Variants in CATSPER3 observed in about 807,000 individuals in gnomAD.
CATSPER3 encodes cation channel sperm-associated protein 3.
Under a neutral mutation model 36.6 loss-of-function variants are expected in CATSPER3, and 23 were observed. The ratio of observed to expected loss-of-function variants is 0.63; its 90% CI spans 0.45 to 0.89. CATSPER3 has a LOEUF of 0.89. Among genes scored for constraint, CATSPER3 ranks in the 40% least tolerant of loss-of-function variants. The probability of loss-of-function intolerance (pLI) is 0.00; values close to 1 mark genes in which losing one functional copy is unlikely to be tolerated. For synonymous variants in CATSPER3, 172 were observed against 184.1 expected, an observed-to-expected ratio of 0.93 and a Z score of 0.53; for missense variants, 474 against 503.9, an observed-to-expected ratio of 0.94 and a Z score of 0.57.
At chr5:134,971,090 C>T (rs1483316308) in intron 2 of CATSPER3, among the ~76,000 whole-genome samples, 1 of 151,802 alleles carries the variant, frequency 6.6e-6, no homozygotes, top group African/African-American at 2.4e-5. Flanking sequence ...GCTGGGATTA[C>T]AGGCGCCCGC....
intron 3 of CATSPER3, among the ~76,000 whole-genome samples, chr5:135,000,405 G>C (rs1752005775): frequency 6.6e-6 from 1 of 152,206 alleles, no homozygotes; most frequent in East Asian, 1.9e-4. Flanking sequence ...TCTTTGCCAG[G>C]CTTTGGTATC....
At chr5:135,010,589 C>A (rs902540597) in intron 7 of CATSPER3, 59 bp downstream of exon 7, 13 of 1,500,228 alleles carry the variant, frequency 8.7e-6, no homozygotes, top group Non-Finnish European at 9.3e-6. Context: ...TGGGCTGTGT[C>A]AGGTGCCCTG....
rs867207499 is a variant in CATSPER3, at chr5:135,010,476, C to A, written c.1040C>A (p.Pro347His). The A allele has an allele frequency of 2.5e-6, 4 of 1,613,988 alleles. No individual in the cohort carries two copies. In the African/African-American group the frequency reaches 5.3e-5, roughly 22 times the overall value. ...TTGGATGATTTTGGCACTAGCTTAC[C>A]CTTCATCGATATCTACTTTTCCACT... ...MVLDDFGTSL[P>H]FIDIYFSTLD... is the part of the protein sequence containing the mutation. Residue 347 changes from proline (P) to histidine (H), a missense_variant, in exon 7 of 8, where the codon CCC becomes CAC. Pro to His is a moderately conservative substitution (Grantham distance 77). Coordinates refer to ENST00000282611, the MANE Select transcript of CATSPER3 (RefSeq NM_178019.3).
chr5:134,992,856 G>C (rs570921877), intron 2 of CATSPER3, among the ~76,000 whole-genome samples: 54 of 152,328 alleles, frequency 3.5e-4, no homozygotes, highest in African/African-American at 1.1e-3. Flanking sequence ...CAGTTCCTAA[G>C]AAAGTTAAAC....
At chr5:134,976,758 C>A (rs758886590) in intron 2 of CATSPER3, among the ~76,000 whole-genome samples, 20 of 152,260 alleles carry the variant, frequency 1.3e-4, no homozygotes, top group Non-Finnish European at 2.5e-4. Flanking sequence ...TGTACATCTT[C>A]TGAAATCTAG....
At chr5:134,988,742 T>A (rs1751842814) in intron 2 of CATSPER3, among the ~76,000 whole-genome samples, 1 of 152,130 alleles carries the variant, frequency 6.6e-6, no homozygotes, top group Non-Finnish European at 1.5e-5. Context: ...CCCCTCAAAG[T>A]CATCCACGAG....
intron 3 of CATSPER3, among the ~76,000 whole-genome samples, chr5:135,000,245 CAGCCTTGCATCCCAGGGATGA>C (rs1752003838): frequency 2.0e-5 from 3 of 152,074 alleles, no homozygotes; most frequent in South Asian, 2.1e-4. Flanking sequence ...CCATAGGATG[CAGCCTTGCATCCCAGGGATGA>C]AGCCCACTTG....
intron 6 of CATSPER3, 118 bp downstream of exon 6, chr5:135,009,608 A>AGTGGTGCCTGTGTAGAGAGCAGGTG: frequency 4.0e-6 from 3 of 753,590 alleles, no homozygotes; most frequent in Non-Finnish European, 4.6e-6. Context: ...AGGCATCTGC[A>AGTGGTGCCTGTGTAGAGAGCAGGTG]GCCTTAGGTA....
chr5:134,995,131 C>T (rs371869957), intron 2 of CATSPER3, among the ~76,000 whole-genome samples: 16 of 151,628 alleles, frequency 1.1e-4, no homozygotes, highest in African/African-American at 3.9e-4. Context: ...TTATCTTTTT[C>T]TTGTGCTAGG....
intron 3 of CATSPER3, among the ~76,000 whole-genome samples, chr5:135,002,898 A>G (rs1414464607): frequency 6.6e-6 from 1 of 152,168 alleles, no homozygotes; most frequent in African/African-American, 2.4e-5. Context: ...ATGGGTTCGA[A>G]CATCCTCCTT....
intron 3 of CATSPER3, among the ~76,000 whole-genome samples, chr5:134,997,496 A>G (rs1751964913): frequency 6.6e-6 from 1 of 151,868 alleles, no homozygotes; most frequent in Non-Finnish European, 1.5e-5. Flanking sequence ...TCCGTCATTT[A>G]TGCCCTAGCT....
At chr5:134,998,943 C>T (rs1297778732) in intron 3 of CATSPER3, among the ~76,000 whole-genome samples, 1 of 152,160 alleles carries the variant, frequency 6.6e-6, no homozygotes, top group Admixed American at 6.5e-5. Flanking sequence ...TCAATTTTGG[C>T]TTTTGTTGCC....
chr5:134,973,939 G>A (rs976249624), intron 2 of CATSPER3, among the ~76,000 whole-genome samples: 1 of 152,012 alleles, frequency 6.6e-6, no homozygotes, highest in African/African-American at 2.4e-5. Flanking sequence ...CTGACCTTAT[G>A]TGAACTGCAA....
intron 2 of CATSPER3, among the ~76,000 whole-genome samples, chr5:134,977,981 A>C (rs1751695834): frequency 6.6e-6 from 1 of 152,194 alleles, no homozygotes; most frequent in Non-Finnish European, 1.5e-5. Flanking sequence ...GTGAGAACTC[A>C]CTTATCACCA....
intron 4 of CATSPER3, 33 bp from the exon 5 acceptor site, chr5:135,008,808 G>A (rs777735836): frequency 3.7e-6 from 6 of 1,608,950 alleles, no homozygotes; most frequent in East Asian, 2.2e-5. Context: ...CACTGGGTCT[G>A]GGCCCTCAGC....
chr5:135,000,507 C>T (rs185241503), intron 3 of CATSPER3, among the ~76,000 whole-genome samples: 42 of 152,278 alleles, frequency 2.8e-4, no homozygotes, highest in African/African-American at 1.0e-3. Context: ...ACCAGCTCCT[C>T]CTTGTACCTC....
At chr5:135,009,113 G>T in intron 5 of CATSPER3, 132 bp downstream of exon 5, 6 of 1,267,252 alleles carry the variant, frequency 4.7e-6, no homozygotes, top group Non-Finnish European at 5.7e-6. Flanking sequence ...GTGGCCAGAT[G>T]GACCTGTCCC....
chr5:135,011,223 G>A (rs1410208808), intron 7 of CATSPER3, among the ~76,000 whole-genome samples: 1 of 152,212 alleles, frequency 6.6e-6, no homozygotes, highest in Non-Finnish European at 1.5e-5. Context: ...CATTGTTGGG[G>A]AATGCCCACT....
In CATSPER3 at chr5:135,008,123, TC is replaced by T. The variant is rs778204346; in HGVS notation, c.660del (p.Phe221SerfsTer23). The stretch of plus-strand genomic sequence containing the variant: ...AACCTGGCTGCAGCTTTTTTCACCC[TC>T]TTCAGCTTGGCCACGGTACTGTGTT... Reference protein sequence around the residue: ...WGNLAAAFFTLFSLATVDGWT... With the variant: ...WGNLAAAFFTXFSLATVDGWT... On this transcript the variant is annotated frameshift_variant, in exon 4 of 8. Transcript: ENST00000282611. LOFTEE classifies it high-confidence loss of function. 1.2e-6 allele frequency: 2 copies of T among 1,614,026 alleles called. No homozygotes were observed. Among genetic ancestry groups the T allele is most frequent in the South Asian group, 2.2e-5 (2 of 91,076 alleles).
Sources: allele counts gnomAD v4.1 joint callset (sites outside exome capture counted in the v4.1 genomes callset), GRCh38; gene constraint gnomAD v4.1.1; transcripts MANE v1.5; gene names NCBI Gene and HGNC (gene_info 2026-07-23, HGNC 2026-07-21).